CACNA2D3: variants seen among roughly 807,000 people sequenced by gnomAD.
CACNA2D3 encodes calcium voltage-gated channel auxiliary subunit alpha2delta 3, also known as voltage-dependent calcium channel subunit alpha-2/delta-3.
CACNA2D3 carries 60 observed loss-of-function variants against 160.6 expected under a neutral mutation model. The observed-to-expected ratio is 0.37, with a 90% CI of 0.30 to 0.46. CACNA2D3 has a LOEUF of 0.46. Ranked by LOEUF, CACNA2D3 falls within the 20% of genes least tolerant of loss-of-function variation. The probability of loss-of-function intolerance (pLI) is 1.00; values close to 1 mark genes in which losing one functional copy is unlikely to be tolerated. For missense variants in CACNA2D3, 1,205 were observed against 1,365.0 expected (o/e 0.88, Z 1.85); for synonymous variants, 558 against 492.9 (o/e 1.13, Z -1.75).
intron 12 of CACNA2D3, among the ~76,000 whole-genome samples, chr3:54,763,838 T>C (rs140583022): frequency 0.011 from 747 of 69,624 alleles, 208 homozygotes; most frequent in African/African-American, 0.023. Flanking sequence ...TATATATGTA[T>C]ATATATGTAC....
chr3:54,946,060 G>A (rs573268314), intron 27 of CACNA2D3, among the ~76,000 whole-genome samples: 9 of 152,320 alleles, frequency 5.9e-5, no homozygotes, highest in South Asian at 2.1e-4. Context: ...GTTCTAAGAT[G>A]CCATAAATAG....
chr3:54,600,978 C>G (rs551737043), intron 9 of CACNA2D3, among the ~76,000 whole-genome samples: 40 of 152,262 alleles, frequency 2.6e-4, no homozygotes, highest in African/African-American at 9.4e-4. Flanking sequence ...ACGTCCAGAT[C>G]ATGTGCCCAA....
chr3:54,931,392 C>T (rs1701187962), intron 27 of CACNA2D3, among the ~76,000 whole-genome samples: 2 of 152,222 alleles, frequency 1.3e-5, no homozygotes, highest in Admixed American at 6.5e-5. Flanking sequence ...CATCTGACCT[C>T]AGCCAAGAGA....
chr3:54,877,524 GA>G (rs1699690540), intron 18 of CACNA2D3, among the ~76,000 whole-genome samples: 1 of 152,198 alleles, frequency 6.6e-6, no homozygotes, highest in Non-Finnish European at 1.5e-5. Flanking sequence ...CTGAGTCACA[GA>G]GATGGTAAGT....
At chr3:54,496,021 G>A (rs560601712) in intron 4 of CACNA2D3, among the ~76,000 whole-genome samples, 1 of 152,284 alleles carries the variant, frequency 6.6e-6, no homozygotes, top group South Asian at 2.1e-4. Flanking sequence ...TCCATTACAT[G>A]AATATATCAC....
At chr3:54,790,744 T>C (rs950434481) in intron 13 of CACNA2D3, among the ~76,000 whole-genome samples, 1 of 152,158 alleles carries the variant, frequency 6.6e-6, no homozygotes, top group African/African-American at 2.4e-5. Context: ...CTGATCATGC[T>C]TGAGCCTGAG....
intron 25 of CACNA2D3, among the ~76,000 whole-genome samples, chr3:54,893,008 A>G (rs1700103126): frequency 6.6e-6 from 1 of 152,122 alleles, no homozygotes. Flanking sequence ...GGGCACAGTG[A>G]CTCATGCCTG....
intron 29 of CACNA2D3, among the ~76,000 whole-genome samples, chr3:54,980,935 C>T (rs1702493171): frequency 6.6e-6 from 1 of 152,154 alleles, no homozygotes; most frequent in African/African-American, 2.4e-5. Flanking sequence ...AAAGACATTA[C>T]ACTTTTTACT....
chr3:54,126,022 A>C (rs1699583689), intron 2 of CACNA2D3, among the ~76,000 whole-genome samples: 1 of 152,214 alleles, frequency 6.6e-6, no homozygotes, highest in Admixed American at 6.5e-5. Context: ...CAAAGATGAC[A>C]ATACTATGTT....
intron 25 of CACNA2D3, among the ~76,000 whole-genome samples, chr3:54,895,620 C>A (rs1700170913): frequency 6.6e-6 from 1 of 152,194 alleles, no homozygotes; most frequent in African/African-American, 2.4e-5. Context: ...CTCTCTGCTG[C>A]AAACTGCTGG....
intron 5 of CACNA2D3, among the ~76,000 whole-genome samples, chr3:54,536,686 G>A (rs992722216): frequency 2.6e-5 from 4 of 152,236 alleles, no homozygotes; most frequent in Non-Finnish European, 5.9e-5. Flanking sequence ...GGCCCCAAAA[G>A]CAGAGAATGC....
intron 13 of CACNA2D3, among the ~76,000 whole-genome samples, chr3:54,804,965 G>A (rs1399865538): frequency 2.0e-5 from 3 of 152,290 alleles, no homozygotes; most frequent in Non-Finnish European, 2.9e-5. Flanking sequence ...GGTACAGAAC[G>A]AAATGAAGGC....
chr3:54,180,811 C>G (rs1700769268), intron 2 of CACNA2D3, among the ~76,000 whole-genome samples: 1 of 152,218 alleles, frequency 6.6e-6, no homozygotes, highest in African/African-American at 2.4e-5. Flanking sequence ...ATTGCATGCA[C>G]TAAGCCTGTA....
intron 17 of CACNA2D3, among the ~76,000 whole-genome samples, chr3:54,850,389 C>T (rs1004944336): frequency 1.3e-5 from 2 of 152,150 alleles, no homozygotes; most frequent in Non-Finnish European, 2.9e-5. Flanking sequence ...TGTTATGATG[C>T]CCCTGGAATG....
intron 2 of CACNA2D3, among the ~76,000 whole-genome samples, chr3:54,312,953 C>T (rs1387851318): frequency 2.6e-5 from 4 of 152,308 alleles, no homozygotes; most frequent in East Asian, 1.9e-4. Context: ...ACCACCCTGT[C>T]GGAATTTGTC....
intron 3 of CACNA2D3, among the ~76,000 whole-genome samples, chr3:54,349,742 G>T (rs1280591128): frequency 1.3e-5 from 2 of 152,016 alleles, no homozygotes; most frequent in Non-Finnish European, 2.9e-5. Context: ...GGCCCATCTT[G>T]GCTTTCTCAG....
At chr3:55,053,999 CTATTT>C (rs1207877725) in intron 35 of CACNA2D3, among the ~76,000 whole-genome samples, 1 of 151,492 alleles carries the variant, frequency 6.6e-6, no homozygotes, top group African/African-American at 2.4e-5. Context: ...TTTATATTGA[CTATTT>C]TATGATTCCA....
At chr3:54,598,035 A>T (rs907877317) in intron 9 of CACNA2D3, among the ~76,000 whole-genome samples, 1 of 151,966 alleles carries the variant, frequency 6.6e-6, no homozygotes, top group African/African-American at 2.4e-5. Flanking sequence ...CATGCCTGTA[A>T]TCCCAGCACT....
intron 31 of CACNA2D3, among the ~76,000 whole-genome samples, chr3:54,997,031 G>A (rs1422711231): frequency 1.3e-5 from 2 of 152,102 alleles, no homozygotes; most frequent in Admixed American, 6.5e-5. Context: ...AGGGGGTGGA[G>A]GACTAGGGGA....
Sources: allele counts gnomAD v4.1 joint callset (sites outside exome capture counted in the v4.1 genomes callset), GRCh38; gene constraint gnomAD v4.1.1; transcripts MANE v1.5; gene names NCBI Gene and HGNC (gene_info 2026-07-23, HGNC 2026-07-21).